The following C12orf42 variants were observed in gnomAD, a reference collection of about 807,000 sequenced individuals.
C12orf42 encodes chromosome 12 open reading frame 42, also known as uncharacterized protein C12orf42.
A neutral mutation model predicts 21.6 loss-of-function variants in C12orf42; 25 were observed. That is an observed-to-expected ratio of 1.16 (90% CI 0.84 to 1.62). The LOEUF (loss-of-function observed/expected upper bound fraction) is 1.62, where lower values mean the gene tolerates loss of function less well. C12orf42 is among the 40% of genes most tolerant of loss of function. C12orf42 has a pLI of 0.00. For synonymous variants in C12orf42, 174 were observed against 175.0 expected (o/e 0.99, Z 0.05); for missense variants, 483 against 459.3 (o/e 1.05, Z -0.47).
chr12:103,450,443 A>T (rs1271552074), intron 2 of C12orf42, among the ~76,000 whole-genome samples: 1 of 152,106 alleles, frequency 6.6e-6, no homozygotes, highest in African/African-American at 2.4e-5. Flanking sequence ...GTGTTCATGA[A>T]ATTGTTCTAT....
chr12:103,169,607 T>A, the C12orf42 span, among the ~76,000 whole-genome samples: 1 of 152,290 alleles, frequency 6.6e-6, no homozygotes, highest in African/African-American at 2.4e-5. Flanking sequence ...ACACAATGCA[T>A]TACTTTTTCA....
chr12:103,445,557 T>A lies in C12orf42; in HGVS notation c.78+32792A>T, dbSNP rs537071070. Among the ~76,000 whole-genome samples, 19 of 152,142 alleles carry A rather than the reference T, an allele frequency of 1.2e-4. No homozygotes were observed. The South Asian group carries it at 3.9e-3, about 31-fold the overall frequency. ...TTCACTTGCTGACTGGCCATCAGCATAGGTTATTCTGTAAAATGCTTGTGC... is the reference window on the plus strand; with the variant it reads ...TTCACTTGCTGACTGGCCATCAGCAAAGGTTATTCTGTAAAATGCTTGTGC... On this transcript the variant is annotated intron_variant, in intron 2 of 5. Coordinates refer to ENST00000548883, the MANE Select transcript of C12orf42 (RefSeq NM_198521.5).
At chr12:103,192,271 G>T in the C12orf42 span, among the ~76,000 whole-genome samples, 1 of 152,066 alleles carries the variant, frequency 6.6e-6, no homozygotes, top group Non-Finnish European at 1.5e-5. Flanking sequence ...TTGGGAGACT[G>T]AGGTGGGCCG....
chr12:103,365,661 T>C (rs967625345), intron 4 of C12orf42, among the ~76,000 whole-genome samples: 2 of 152,050 alleles, frequency 1.3e-5, no homozygotes, highest in Non-Finnish European at 2.9e-5. Flanking sequence ...CACAAATTAG[T>C]AGCTCTGCTA....
intron 1 of C12orf42, among the ~76,000 whole-genome samples, chr12:103,480,804 G>C (rs1343493488): frequency 6.6e-6 from 1 of 151,410 alleles, no homozygotes. Context: ...GAATTTTATA[G>C]TCTCCATGTA....
chr12:103,094,373 T>C, the C12orf42 span, among the ~76,000 whole-genome samples: 4 of 152,200 alleles, frequency 2.6e-5, no homozygotes, highest in Non-Finnish European at 5.9e-5. Flanking sequence ...CTACCAGCCT[T>C]AAAGGGAACA....
At chr12:103,534,520 G>C in the C12orf42 span, among the ~76,000 whole-genome samples, 2 of 152,072 alleles carry the variant, frequency 1.3e-5, no homozygotes, top group African/African-American at 4.8e-5. Context: ...GAATGAATGA[G>C]CTCATTCATT....
intron 2 of C12orf42, among the ~76,000 whole-genome samples, chr12:103,462,474 G>A (rs2137698941): frequency 6.6e-6 from 1 of 152,148 alleles, no homozygotes; most frequent in African/African-American, 2.4e-5. Context: ...TATTTAAAAT[G>A]TTTGTTATGA....
chr12:103,143,962 T>C, the C12orf42 span, among the ~76,000 whole-genome samples: 1 of 152,202 alleles, frequency 6.6e-6, no homozygotes, highest in African/African-American at 2.4e-5. Flanking sequence ...ATTATTATTA[T>C]CACAGGGTTA....
the C12orf42 span, among the ~76,000 whole-genome samples, chr12:103,221,842 T>C: frequency 8.5e-5 from 13 of 152,166 alleles, no homozygotes; most frequent in Non-Finnish European, 1.8e-4. Flanking sequence ...GGAAACTGAA[T>C]AGCAAGGCTG....
intron 10 of C12orf42, among the ~76,000 whole-genome samples, chr12:103,245,045 G>A (rs1440181971): frequency 6.6e-6 from 1 of 151,978 alleles, no homozygotes; most frequent in African/African-American, 2.4e-5. Flanking sequence ...CAAGCATCAG[G>A]AACAAATGTA....
chr12:103,203,300 C>T, the C12orf42 span, among the ~76,000 whole-genome samples: 1 of 152,202 alleles, frequency 6.6e-6, no homozygotes, highest in African/African-American at 2.4e-5. Flanking sequence ...CATGTTATCA[C>T]AGGATTTTTG....
chr12:103,101,571 CTCTA>C, the C12orf42 span, among the ~76,000 whole-genome samples: 2 of 152,218 alleles, frequency 1.3e-5, no homozygotes, highest in African/African-American at 4.8e-5. Context: ...ACTCCTAAAT[CTCTA>C]TCTAGAACAT....
At chr12:103,108,648 A>G in the C12orf42 span, among the ~76,000 whole-genome samples, 10 of 152,166 alleles carry the variant, frequency 6.6e-5, no homozygotes, top group Non-Finnish European at 1.0e-4. Context: ...GTAAGTAAAC[A>G]TAAGTATTGA....
the C12orf42 span, among the ~76,000 whole-genome samples, chr12:103,099,222 T>C: frequency 6.6e-6 from 1 of 152,222 alleles, no homozygotes; most frequent in South Asian, 2.1e-4. Flanking sequence ...TCATATTTTG[T>C]TGGACTCCTA....
rs77327560 is a variant in C12orf42, at chr12:103,388,491, C to T, written c.147+13116G>A. 9.0e-3 allele frequency among the ~76,000 whole-genome samples: 1,366 copies of T among 152,236 alleles called. 103 individuals carry two copies. The East Asian group carries it at 0.18, about 20-fold the overall frequency. On this transcript the variant is annotated intron_variant, in intron 3 of 5. Transcript: ENST00000548883. ...TTTCTCTCTCCCTCTTCCCCAACCT[C>T]TTCTTTCTCTCCTTGAAAATGGGAT...
chr12:103,335,792 C>T (rs551911330), intron 4 of C12orf42, among the ~76,000 whole-genome samples: 5 of 152,288 alleles, frequency 3.3e-5, no homozygotes, highest in East Asian at 1.9e-4. Context: ...AGAAATGTTT[C>T]GCCAGAATAA....
the C12orf42 span, among the ~76,000 whole-genome samples, chr12:103,218,358 G>A: frequency 6.6e-6 from 1 of 152,034 alleles, no homozygotes; most frequent in East Asian, 1.9e-4. Flanking sequence ...ACTAAACCTG[G>A]TTTTAGCTAC....
intron 10 of C12orf42, among the ~76,000 whole-genome samples, chr12:103,240,092 A>G (rs1448978583): frequency 6.6e-6 from 1 of 152,242 alleles, no homozygotes; most frequent in Non-Finnish European, 1.5e-5. Context: ...CTAATATACT[A>G]CATACAATAA....
Sources: gnomAD v4.1 joint callset for allele counts (sites outside exome capture counted in the v4.1 genomes callset) on GRCh38, gnomAD v4.1.1 for gene constraint, MANE v1.5 for transcripts, NCBI Gene and HGNC (gene_info 2026-07-23, HGNC 2026-07-21) for gene names.